The following ABHD6 variants were observed in gnomAD, a reference collection of about 807,000 sequenced individuals.
The protein encoded by ABHD6 is monoacylglycerol lipase ABHD6.
Under a neutral mutation model 38.8 loss-of-function variants are expected in ABHD6, and 33 were observed. The observed-to-expected ratio is 0.85, with a 90% CI of 0.64 to 1.14. The LOEUF (loss-of-function observed/expected upper bound fraction) is 1.14. Ranked by LOEUF, ABHD6 falls within the 50% of genes most tolerant of loss-of-function variation. ABHD6 has a pLI of 0.00. For missense variants in ABHD6, 380 were observed against 422.6 expected (o/e 0.90, Z 0.88); for synonymous variants, 147 against 161.6 (o/e 0.91, Z 0.69).
At chr3:58,254,562 G>A (rs184814742) in intron 2 of ABHD6, among the ~76,000 whole-genome samples, 196 of 152,196 alleles carry the variant, frequency 1.3e-3, no homozygotes, top group Non-Finnish European at 2.2e-3. Context: ...AGTATCAGTC[G>A]ATAGAGGCAT....
At chr3:58,245,577 A>G (rs2097425813) in intron 1 of ABHD6, among the ~76,000 whole-genome samples, 1 of 152,048 alleles carries the variant, frequency 6.6e-6, no homozygotes, top group Non-Finnish European at 1.5e-5. Flanking sequence ...CCAGGAGTTC[A>G]AGTCCAGCCT....
chr3:58,264,446 T>C lies in ABHD6; in HGVS notation c.120-2743T>C, dbSNP rs9861955. On this transcript the variant is annotated intron_variant, in intron 3 of 9. Transcript: ENST00000478253. ...ACACACACACACACACACACACACA[T>C]ATGCCAGGTGCAGTGGCTCAGTGGC... Among the ~76,000 whole-genome samples the C allele has an allele frequency of 3.7e-3, 338 of 90,970 alleles. 6 individuals are homozygous for C. Among genetic ancestry groups the C allele is most frequent in the African/African-American group, 0.016 (245 of 15,312 alleles). 59.7% of individuals were successfully genotyped at this position (90,970 alleles called of 152,430 possible). A position where few individuals can be genotyped will look rare whatever the true frequency, so the allele number is the denominator to read the frequency against.
chr3:58,293,925 C>G lies in ABHD6; in HGVS notation c.*160C>G, dbSNP rs2097465395. The G allele has an allele frequency of 1.4e-6, 1 of 703,030 alleles. No homozygotes were observed. The highest frequency in any genetic ancestry group is 1.8e-5 in the African/African-American group (1 of 55,754). The allele number at this position is 703,030 out of a possible 1,614,324, so 43.5% of individuals were successfully genotyped here. ...CCCTGGTATCCACGGTTCCCCAGAG[C>G]TTTGGGGACCACGCGAAAACCTCCA... On this transcript the variant is annotated 3_prime_UTR_variant, in exon 10 of 10. Coordinates refer to ENST00000478253, the MANE Select transcript of ABHD6 (RefSeq NM_001320126.2). The surrounding 1 kb of genome is among the most constrained non-coding windows in gnomAD (Gnocchi z 4.4).
chr3:58,276,849 C>T (rs2097449103), intron 7 of ABHD6, among the ~76,000 whole-genome samples: 1 of 152,184 alleles, frequency 6.6e-6, no homozygotes, highest in African/African-American at 2.4e-5. Flanking sequence ...CCAGTTTTCC[C>T]AGCACCATTT....
intron 1 of ABHD6, among the ~76,000 whole-genome samples, chr3:58,248,930 A>G (rs1054906149): frequency 6.6e-6 from 1 of 152,234 alleles, no homozygotes; most frequent in Non-Finnish European, 1.5e-5. Context: ...TTTAATTTGC[A>G]TATCTCTTAT....
chr3:58,290,670 C>T (rs2107482665), intron 9 of ABHD6, among the ~76,000 whole-genome samples: 1 of 147,798 alleles, frequency 6.8e-6, no homozygotes, highest in Non-Finnish European at 1.5e-5. Context: ...GATGGGGCGG[C>T]TGGGCAGAGA....
At position 58,251,535 on chromosome 3, in the gene ABHD6, T is replaced by C. The variant is rs966205120; in HGVS notation, c.-26+1593T>C. Among the ~76,000 whole-genome samples, 14 of 152,214 alleles carry C rather than the reference T, an allele frequency of 9.2e-5. No homozygotes were observed. The highest frequency in any genetic ancestry group is 3.4e-4 in the African/African-American group (14 of 41,446). On this transcript the variant is annotated intron_variant, in intron 2 of 9. Transcript: ENST00000478253. The surrounding 1 kb of genome is among the most constrained non-coding windows in gnomAD (Gnocchi z 5.4). ...ATGTGCCTTACTCCTAACCCCAGAT[T>C]AAACTTCATTTCCCTGATGTAATGT...
intron 9 of ABHD6, among the ~76,000 whole-genome samples, chr3:58,286,850 G>GCATATATATATATATATATA (rs1553721726): frequency 4.3e-4 from 31 of 72,826 alleles, no homozygotes; most frequent in South Asian, 3.0e-3. Flanking sequence ...GTGTGTGTGT[G>GCATATATATATATATATATA]TGTATATATA....
chr3:58,249,174 T>C (rs572258967), intron 1 of ABHD6, among the ~76,000 whole-genome samples: 96 of 152,358 alleles, frequency 6.3e-4, no homozygotes, highest in African/African-American at 2.0e-3. Context: ...TAAAAACTTT[T>C]TTATGCAACT....
intron 3 of ABHD6, among the ~76,000 whole-genome samples, chr3:58,261,511 C>G (rs1319421239): frequency 6.6e-6 from 1 of 152,058 alleles, no homozygotes; most frequent in Admixed American, 6.5e-5. Context: ...GTAACTGGGG[C>G]TACAGGTGTG....
In ABHD6 at chr3:58,285,456, A is replaced by G. The variant is rs776526597; in HGVS notation, c.837+3A>G. 22 of 1,612,556 alleles carry G rather than the reference A, an allele frequency of 1.4e-5. No homozygotes were observed. The highest frequency in any genetic ancestry group is 1.3e-5 in the African/African-American group (1 of 74,916). On this transcript the variant is annotated splice_donor_region_variant and intron_variant, in intron 9 of 9. Coordinates refer to ENST00000478253, the MANE Select transcript of ABHD6 (RefSeq NM_001320126.2). The surrounding 1 kb of genome is among the most constrained non-coding windows in gnomAD (Gnocchi z 4.9). ...TCATCTGGGGGAAACAAGACCAGGT[A>G]TGTAACACATCCCCGCGGCAGTCTG...
chr3:58,287,247 G>T lies in ABHD6; in HGVS notation c.837+1794G>T, dbSNP rs543847337. 6.6e-6 allele frequency among the ~76,000 whole-genome samples: 1 copy of T among 152,240 alleles called. No individual in the cohort carries two copies. The highest frequency in any genetic ancestry group is 1.9e-4 in the East Asian group (1 of 5,162). ...GGCAGTGAGCCGTGATTGCTTCACT[G>T]CACACCAGCCTGGGCCACAGGGCGG... On this transcript the variant is annotated intron_variant, in intron 9 of 9. Coordinates refer to ENST00000478253, the MANE Select transcript of ABHD6 (RefSeq NM_001320126.2). The surrounding 1 kb of genome is among the most constrained non-coding windows in gnomAD (Gnocchi z 4.7).
At chr3:58,246,626 A>G (rs936151592) in intron 1 of ABHD6, among the ~76,000 whole-genome samples, 1 of 152,214 alleles carries the variant, frequency 6.6e-6, no homozygotes. Flanking sequence ...GAGAACCCCC[A>G]TGAGGAACCA....
At position 58,250,786 on chromosome 3, in the gene ABHD6, G is replaced by A. The variant is rs148144505; in HGVS notation, c.-26+844G>A. ...TGGTAGTTCTTATCCACATGTAGCT[G>A]TTGAGCACTTGAAGTGTGGCTGGTG... On this transcript the variant is annotated intron_variant, in intron 2 of 9. Coordinates refer to ENST00000478253, the MANE Select transcript of ABHD6 (RefSeq NM_001320126.2). Among the ~76,000 whole-genome samples the A allele has an allele frequency of 4.6e-3, 696 of 152,318 alleles. 4 individuals carry two copies. The Middle Eastern group carries it at 0.048, about 10-fold the overall frequency.
intron 9 of ABHD6, among the ~76,000 whole-genome samples, chr3:58,289,808 G>A (rs2107480069): frequency 6.6e-6 from 1 of 151,794 alleles, no homozygotes; most frequent in East Asian, 2.0e-4. Flanking sequence ...CCCAGTAGGG[G>A]CGGCCAGGCA....
At chr3:58,268,234 C>G (rs2097442487) in intron 4 of ABHD6, among the ~76,000 whole-genome samples, 1 of 152,182 alleles carries the variant, frequency 6.6e-6, no homozygotes, top group Non-Finnish European at 1.5e-5. Flanking sequence ...CTCAGAACTG[C>G]TGTGAGATCA....
At chr3:58,289,810 G>T (rs367691067) in intron 9 of ABHD6, among the ~76,000 whole-genome samples, 1 of 151,676 alleles carries the variant, frequency 6.6e-6, no homozygotes, top group Non-Finnish European at 1.5e-5. Context: ...CAGTAGGGGC[G>T]GCCAGGCAGA....
Position 58,265,945 on chromosome 3 carries a change from G to T in ABHD6, c.120-1244G>T, listed in dbSNP as rs1017424690. On this transcript the variant is annotated intron_variant, in intron 3 of 9. Coordinates refer to ENST00000478253, the MANE Select transcript of ABHD6 (RefSeq NM_001320126.2). This position sits in a 1 kb window ranked among gnomAD's most constrained non-coding sequence, Gnocchi z 4.2. ...CCTCTTAACAGTCCCACTTCACAAT[G>T]GCAATTAAATTTCAACATGAGTTTT... Among the ~76,000 whole-genome samples the T allele has an allele frequency of 1.3e-5, 2 of 152,182 alleles. No homozygotes were observed. Among genetic ancestry groups the T allele is most frequent in the South Asian group, 4.1e-4 (2 of 4,830 alleles).
chr3:58,271,333 T>TAA (rs3038089), intron 6 of ABHD6, among the ~76,000 whole-genome samples: 1 of 149,144 alleles, frequency 6.7e-6, no homozygotes. Flanking sequence ...ATTTAAAATT[T>TAA]AAAAAAAAAA....
Sources: allele counts gnomAD v4.1 joint callset (sites outside exome capture counted in the v4.1 genomes callset), GRCh38; gene constraint gnomAD v4.1.1; non-coding constraint Gnocchi (gnomAD v3.1); transcripts MANE v1.5; gene names NCBI Gene and HGNC (gene_info 2026-07-23, HGNC 2026-07-21).